Variants in NEBL observed in about 807,000 individuals in gnomAD.
NEBL encodes the protein nebulette, also known as LIM and SH3 protein 2.
NEBL carries 122 observed loss-of-function variants against 140.2 expected under a neutral mutation model. The ratio of observed to expected loss-of-function variants is 0.87; its 90% confidence interval spans 0.75 to 1.01. The LOEUF (loss-of-function observed/expected upper bound fraction) is 1.01, where lower values mean the gene tolerates loss of function less well. Ranked by LOEUF, NEBL falls within the 50% of genes least tolerant of loss-of-function variation. The pLI is 0.00. For synonymous variants in NEBL, 436 were observed against 398.9 expected (o/e 1.09, Z -1.11); for missense variants, 1,365 against 1,231.3 (o/e 1.11, Z -1.62).
intron 3 of NEBL, among the ~76,000 whole-genome samples, chr10:21,222,245 G>A (rs1842079685): frequency 6.6e-6 from 1 of 150,428 alleles, no homozygotes; most frequent in South Asian, 2.1e-4. Flanking sequence ...CAGGAGTTGA[G>A]AGGCCAGCCT....
intron 2 of NEBL, among the ~76,000 whole-genome samples, chr10:21,069,252 C>G (rs892807117): frequency 3.3e-5 from 5 of 152,140 alleles, no homozygotes; most frequent in African/African-American, 1.2e-4. Context: ...CGCTGGTTGC[C>G]CTTAGGCCCC....
chr10:20,840,818 A>T lies in NEBL; in HGVS notation c.1259T>A (p.Ile420Lys). Residue 420 changes from isoleucine to lysine, a missense_variant, in exon 13 of 28, where the codon ATA becomes AAA. By Grantham distance (102) the Ile-to-Lys change is moderately radical. This residue lies in a region of NEBL where 1,323 missense variants were observed against 1,154.8 expected (regional missense o/e 1.15). Transcript: ENST00000377122. The part of the protein sequence containing the change: ...KEYKKDLENE[I>K]KGKGMELNSE... ...ATTAAGTTCCATTCCTTTCCCTTTT[A>T]TCTCATTTTCCAAATCTTTTTTATA... The T allele has an allele frequency of 1.2e-6, 2 of 1,606,126 alleles. 1 individual carries two copies. Among genetic ancestry groups the T allele is most frequent in the African/African-American group, 2.7e-5 (2 of 74,822 alleles).
At chr10:20,927,342 A>G (rs1230499677) in intron 4 of NEBL, among the ~76,000 whole-genome samples, 1 of 152,232 alleles carries the variant, frequency 6.6e-6, no homozygotes, top group Non-Finnish European at 1.5e-5. Flanking sequence ...AAGATTCTTT[A>G]TGAAATCTTA....
chr10:21,081,672 G>A (rs1836375678), intron 2 of NEBL, among the ~76,000 whole-genome samples: 1 of 152,140 alleles, frequency 6.6e-6, no homozygotes, highest in Admixed American at 6.5e-5. Flanking sequence ...AAGGAATCAA[G>A]CATCCTCGGA....
intron 3 of NEBL, among the ~76,000 whole-genome samples, chr10:21,209,758 T>C (rs537081490): frequency 6.7e-6 from 1 of 150,362 alleles, no homozygotes; most frequent in East Asian, 2.0e-4. Flanking sequence ...AACAGAGGCC[T>C]ACACGTCAAA....
At chr10:20,828,762 T>G in intron 16 of NEBL, 128 bp from the exon 17 acceptor site, 1 of 646,882 alleles carries the variant, frequency 1.5e-6, no homozygotes, top group Non-Finnish European at 2.8e-6. Context: ...TGACTTACAC[T>G]CCCAGAGAGA....
At chr10:21,061,212 TAG>T (rs1397404884) in intron 2 of NEBL, among the ~76,000 whole-genome samples, 3 of 141,122 alleles carry the variant, frequency 2.1e-5, no homozygotes, top group East Asian at 2.2e-4. Context: ...TCATATAATA[TAG>T]AGAGATGTGG....
chr10:20,987,033 A>C (rs976845200), intron 3 of NEBL, among the ~76,000 whole-genome samples: 1 of 152,202 alleles, frequency 6.6e-6, no homozygotes, highest in Non-Finnish European at 1.5e-5. Flanking sequence ...TTCATTTCTG[A>C]TATTACATTT....
intron 3 of NEBL, among the ~76,000 whole-genome samples, chr10:21,243,878 AAAAG>A (rs1842476094): frequency 6.6e-6 from 1 of 151,702 alleles, no homozygotes; most frequent in Non-Finnish European, 1.5e-5. Context: ...TTTGAGCAAA[AAAAG>A]AAAGAGAGAG....
In NEBL at chr10:21,047,536, T is replaced by TA. The variant is rs1438663491; in HGVS notation, c.165-27336_165-27335insT. ...AAAACTGCCCCAAATGAAGCTTTTTTTAAAAAAAAAAAGATTTTTTTTAAC... is the reference window on the plus strand; with the variant it reads ...AAAACTGCCCCAAATGAAGCTTTTTTATAAAAAAAAAAAGATTTTTTTTAAC... On this transcript the variant is annotated intron_variant, in intron 2 of 6. Transcript: ENST00000417816. Among the ~76,000 whole-genome samples the TA allele has an allele frequency of 5.1e-4, 77 of 151,248 alleles. 4 individuals are homozygous for TA. The highest frequency in any genetic ancestry group is 5.1e-3 in the Admixed American group (75 of 14,826).
intron 1 of NEBL, among the ~76,000 whole-genome samples, chr10:21,290,854 ATCCT>A (rs1463415023): frequency 6.6e-6 from 1 of 152,092 alleles, no homozygotes; most frequent in Non-Finnish European, 1.5e-5. Flanking sequence ...CAACCATCTG[ATCCT>A]TCCTTGAGTC....
chr10:21,030,756 CA>C, intron 2 of NEBL: 3 of 426,422 alleles, frequency 7.0e-6, no homozygotes, highest in Non-Finnish European at 4.6e-6. Context: ...GGAAAGATGG[CA>C]AAAAGGAGCA....
At chr10:20,890,819 T>A (rs186366881) in intron 2 of NEBL, among the ~76,000 whole-genome samples, 3 of 152,210 alleles carry the variant, frequency 2.0e-5, no homozygotes, top group African/African-American at 4.8e-5. Flanking sequence ...AATCACACTG[T>A]CACACTAATT....
intron 7 of NEBL, chr10:20,867,934 T>C (rs1844472289): frequency 6.6e-6 from 1 of 152,092 alleles, no homozygotes. Context: ...TGGTTTTCTA[T>C]TAACTTATAG....
rs555625782 is a variant in NEBL, at chr10:21,144,491, C to T, written c.164+27892G>A. On this transcript the variant is annotated intron_variant, in intron 2 of 6. Transcript: ENST00000417816. ...CTGTAATCCCAGCACTTTGGGAGGC[C>T]GAGGTGGGGGAATCACCCAAAGTCA... Among the ~76,000 whole-genome samples, 21 of 152,184 alleles carry T rather than the reference C, an allele frequency of 1.4e-4. No homozygotes were observed. In the South Asian group the frequency reaches 2.7e-3, roughly 20 times the overall value.
chr10:21,164,255 A>G (rs1354165180), intron 2 of NEBL, among the ~76,000 whole-genome samples: 2 of 152,244 alleles, frequency 1.3e-5, no homozygotes, highest in East Asian at 3.8e-4. Context: ...TAAGAACTGA[A>G]ACAGAACAGA....
chr10:20,911,159 G>T (rs1449677345), intron 4 of NEBL, among the ~76,000 whole-genome samples: 1 of 152,068 alleles, frequency 6.6e-6, no homozygotes, highest in East Asian at 1.9e-4. Context: ...ACAAGATCCT[G>T]TCTCAAAAAA....
Position 20,808,590 on chromosome 10 carries a change from C to A in NEBL, c.2681G>T (p.Gly894Val). Reference protein sequence around the residue: ...HSSSTFGTGLGDDRSEISEIY... With the variant: ...HSSSTFGTGLVDDRSEISEIY... ...CTCGGAGATTTCTGACCTGTCGTCT[C>A]CGAGACCTGTACCGAAAGTACTGCT... is the stretch of plus-strand genomic sequence containing the variant. Residue 894 changes from glycine (G) to valine (V), a missense_variant, in exon 26 of 28, where the codon GGA becomes GTA. By Grantham distance (109) the Gly-to-Val change is moderately radical. Coordinates refer to ENST00000377122, the MANE Select transcript of NEBL (RefSeq NM_006393.3). The A allele has an allele frequency of 1.2e-6, 2 of 1,613,704 alleles. No homozygotes were observed. The highest frequency in any genetic ancestry group is 1.7e-6 in the Non-Finnish European group (2 of 1,179,692).
chr10:21,288,768 A>AAAAAAAAAAAAAG (rs1554836841), intron 1 of NEBL, among the ~76,000 whole-genome samples: 1 of 118,950 alleles, frequency 8.4e-6, no homozygotes, highest in African/African-American at 3.2e-5. Flanking sequence ...GCCAAAAAAA[A>AAAAAAAAAAAAAG]AAAAAAGAAA....
Sources: allele counts gnomAD v4.1 joint callset (sites outside exome capture counted in the v4.1 genomes callset), GRCh38; gene constraint gnomAD v4.1.1; regional missense constraint gnomAD v4.1.1; transcripts MANE v1.5; gene names NCBI Gene and HGNC (gene_info 2026-07-23, HGNC 2026-07-21).